The following RXRA variants were observed in gnomAD, a reference collection of about 807,000 sequenced individuals.
RXRA encodes retinoid X receptor alpha.
A neutral mutation model predicts 44.5 loss-of-function variants in RXRA; 5 were observed. The ratio of observed to expected loss-of-function variants is 0.11; its 90% CI spans 0.06 to 0.24. The LOEUF is 0.24. Among genes scored for constraint, RXRA ranks in the 10% least tolerant of loss-of-function variants. RXRA has a pLI of 1.00. For missense variants in RXRA, 412 were observed against 646.5 expected (o/e 0.64, Z 3.93); for synonymous variants, 291 against 271.4 (o/e 1.07, Z -0.71).
chr9:134,398,496 T>C (rs1426672822), intron 1 of RXRA, among the ~76,000 whole-genome samples: 1 of 152,158 alleles, frequency 6.6e-6, no homozygotes, highest in East Asian at 1.9e-4. Context: ...ACCCAGCCTA[T>C]TGTCACCCAG....
At position 134,417,677 on chromosome 9, in the gene RXRA, G is replaced by A; in HGVS notation, c.780+350G>A. 6.6e-6 allele frequency among the ~76,000 whole-genome samples: 1 copy of A among 152,134 alleles called. No individual in the cohort carries two copies. The highest frequency in any genetic ancestry group is 1.9e-4 in the East Asian group (1 of 5,184). On this transcript the variant is annotated intron_variant, in intron 5 of 9. Transcript: ENST00000481739. The surrounding 1 kb of genome is among the most constrained non-coding windows in gnomAD (Gnocchi z 6.1). ...TTTGGCCTGTCTCGGTGCAGAGGCT[G>A]TCCCTGCTCCCCGGTGCCACTTGGA...
intron 1 of RXRA, among the ~76,000 whole-genome samples, chr9:134,382,844 G>A (rs748064896): frequency 1.3e-5 from 2 of 152,330 alleles, no homozygotes; most frequent in Non-Finnish European, 1.5e-5. Context: ...GCCCACCTGA[G>A]AGCAGCGTTC....
intron 1 of RXRA, among the ~76,000 whole-genome samples, chr9:134,340,578 C>T (rs950079902): frequency 4.6e-5 from 7 of 152,086 alleles, no homozygotes; most frequent in Admixed American, 2.6e-4. Flanking sequence ...ACCGACCACC[C>T]GAAGCACTCA....
At chr9:134,333,995 G>A (rs1564257907) in intron 1 of RXRA, among the ~76,000 whole-genome samples, 1 of 152,366 alleles carries the variant, frequency 6.6e-6, no homozygotes, top group East Asian at 1.9e-4. Context: ...TTGGGGTGGG[G>A]CTGCAGCTTT....
At chr9:134,327,995 C>T (rs949361419) in intron 1 of RXRA, among the ~76,000 whole-genome samples, 1 of 152,170 alleles carries the variant, frequency 6.6e-6, no homozygotes, top group Non-Finnish European at 1.5e-5. Flanking sequence ...CTGGGAGAGG[C>T]TGAGCCCCCA....
At position 134,407,518 on chromosome 9, in the gene RXRA, G is replaced by T. The variant is rs560762774; in HGVS notation, c.280-631G>T. Among the ~76,000 whole-genome samples, 2 of 152,234 alleles carry T rather than the reference G, an allele frequency of 1.3e-5. No individual in the cohort carries two copies. Among genetic ancestry groups the T allele is most frequent in the Non-Finnish European group, 2.9e-5 (2 of 68,034 alleles). Reference sequence around the variant, plus strand: ...GTGAGTTTCCCACGCTTGCCCGGGCGGCAGCGTGCGGGCCGGCGGGTGGGG... The same window carrying T: ...GTGAGTTTCCCACGCTTGCCCGGGCTGCAGCGTGCGGGCCGGCGGGTGGGG... On this transcript the variant is annotated intron_variant, in intron 2 of 9. Transcript: ENST00000481739. This position sits in a 1 kb window ranked among gnomAD's most constrained non-coding sequence, Gnocchi z 4.8.
chr9:134,409,956 G>A (rs900636454), intron 4 of RXRA, among the ~76,000 whole-genome samples: 10 of 152,232 alleles, frequency 6.6e-5, no homozygotes, highest in African/African-American at 2.2e-4. Flanking sequence ...CCCAACACCT[G>A]TGTGGCTGGT....
intron 1 of RXRA, among the ~76,000 whole-genome samples, chr9:134,332,973 C>T (rs1835029077): frequency 6.6e-6 from 1 of 152,138 alleles, no homozygotes; most frequent in Non-Finnish European, 1.5e-5. Flanking sequence ...TCGTCTTTCC[C>T]GGGCACGGGT....
chr9:134,347,872 C>T (rs1055343988), intron 1 of RXRA, among the ~76,000 whole-genome samples: 1 of 152,120 alleles, frequency 6.6e-6, no homozygotes. Flanking sequence ...TGGGCCTGTC[C>T]TGACAGTGGT....
intron 1 of RXRA, among the ~76,000 whole-genome samples, chr9:134,394,841 C>G (rs780378547): frequency 3.3e-5 from 5 of 152,176 alleles, no homozygotes; most frequent in Non-Finnish European, 7.4e-5. Flanking sequence ...GTGTGAGAGG[C>G]AATGTCAGGG....
chr9:134,406,455 A>G (rs1016448497), intron 2 of RXRA: 1 of 151,948 alleles, frequency 6.6e-6, no homozygotes, highest in East Asian at 1.9e-4. Flanking sequence ...AGTTTTGCCG[A>G]CGAGGAAACT....
rs1313612572 is a variant in RXRA, at chr9:134,433,724, C to T, written c.1136-378C>T. ...TCCCATCCATGTTATGGGGCTGGGA[C>T]CCAAGGGCAGCAGCAGCATCCATTG... is the stretch of plus-strand genomic sequence containing the variant. On this transcript the variant is annotated intron_variant, in intron 8 of 9. Transcript: ENST00000481739. This position sits in a 1 kb window ranked among gnomAD's most constrained non-coding sequence, Gnocchi z 4.2. Among the ~76,000 whole-genome samples, 2 of 151,848 alleles carry T rather than the reference C, an allele frequency of 1.3e-5. No homozygotes were observed. Among genetic ancestry groups the T allele is most frequent in the African/African-American group, 2.4e-5 (1 of 41,284 alleles).
chr9:134,384,174 C>T (rs1220223022), intron 1 of RXRA, among the ~76,000 whole-genome samples: 1 of 151,968 alleles, frequency 6.6e-6, no homozygotes, highest in Non-Finnish European at 1.5e-5. Flanking sequence ...GGACCCTCCT[C>T]AGTGTCACCC....
At chr9:134,391,327 G>A (rs1228863535) in intron 1 of RXRA, among the ~76,000 whole-genome samples, 1 of 152,186 alleles carries the variant, frequency 6.6e-6, no homozygotes, top group African/African-American at 2.4e-5. Flanking sequence ...GGAGACGAGA[G>A]CCGCCCTGAG....
At chr9:134,413,959 G>A (rs1309438659) in intron 4 of RXRA, among the ~76,000 whole-genome samples, 3 of 152,124 alleles carry the variant, frequency 2.0e-5, no homozygotes, top group Non-Finnish European at 4.4e-5. Flanking sequence ...TCCTCCAGCC[G>A]CCACGCTCTG....
chr9:134,401,672 G>A lies in RXRA; in HGVS notation c.69G>A (p.Thr23=), dbSNP rs201632105. 112 of 1,612,982 alleles carry A rather than the reference G, an allele frequency of 6.9e-5. No individual in the cohort carries two copies. The East Asian group carries it at 1.8e-3, about 25-fold the overall frequency. Residue 23 remains threonine (T), a synonymous_variant, in exon 2 of 10, where the codon ACG becomes ACA. Coordinates refer to ENST00000481739, the MANE Select transcript of RXRA (RefSeq NM_002957.6). The part of the protein sequence containing the change: ...TQVNSSLTSP[T]GRGSMAAPSL... The stretch of plus-strand genomic sequence containing the variant: ...TGAACTCCTCCCTCACCTCCCCGAC[G>A]GGGCGAGGCTCCATGGCTGCCCCCT...
At chr9:134,387,188 G>A (rs1352992165) in intron 1 of RXRA, among the ~76,000 whole-genome samples, 3 of 152,242 alleles carry the variant, frequency 2.0e-5, no homozygotes, top group Non-Finnish European at 4.4e-5. Context: ...GGCCAGAGCC[G>A]GCTCCCGGCC....
At chr9:134,350,697 G>T (rs1295744276) in intron 1 of RXRA, among the ~76,000 whole-genome samples, 1 of 152,222 alleles carries the variant, frequency 6.6e-6, no homozygotes, top group African/African-American at 2.4e-5. Context: ...AGCCTCCCCC[G>T]CAGGAGCAGC....
chr9:134,417,509 C>T lies in RXRA; in HGVS notation c.780+182C>T, dbSNP rs957654224. Among the ~76,000 whole-genome samples, 37 of 152,088 alleles carry T rather than the reference C, an allele frequency of 2.4e-4. No homozygotes were observed. Among genetic ancestry groups the T allele is most frequent in the Middle Eastern group, 3.2e-3 (1 of 316 alleles). The stretch of plus-strand genomic sequence containing the variant: ...CCGTGGGCCCCTCGCCCCAGCTGGG[C>T]GGCACTCTCCTCTCCTGGCCCATGC... On this transcript the variant is annotated intron_variant, in intron 5 of 9. Coordinates refer to ENST00000481739, the MANE Select transcript of RXRA (RefSeq NM_002957.6). This position sits in a 1 kb window ranked among gnomAD's most constrained non-coding sequence, Gnocchi z 6.1.
Sources: gnomAD v4.1 joint callset for allele counts (sites outside exome capture counted in the v4.1 genomes callset) on GRCh38, gnomAD v4.1.1 for gene constraint, Gnocchi (gnomAD v3.1) non-coding constraint, MANE v1.5 for transcripts, NCBI Gene and HGNC (gene_info 2026-07-23, HGNC 2026-07-21) for gene names.